The following CFAP97 variants were observed in gnomAD, a reference collection of about 807,000 sequenced individuals.
CFAP97 encodes the protein cilia- and flagella-associated protein 97.
A neutral mutation model predicts 43.1 loss-of-function variants in CFAP97; 36 were observed. That is an observed-to-expected ratio of 0.84 (90% CI 0.64 to 1.10). The LOEUF is 1.10. Ranked by LOEUF, CFAP97 falls within the 50% of genes least tolerant of loss-of-function variation. The pLI, the probability that CFAP97 is intolerant of heterozygous loss-of-function variation, is 0.00. For synonymous variants in CFAP97, 228 were observed against 225.7 expected (o/e 1.01, Z -0.09); for missense variants, 657 against 620.3 (o/e 1.06, Z -0.63).
Position 185,171,294 on chromosome 4 carries a change from G to A in CFAP97, c.1320+4492C>T, listed in dbSNP as rs185464348. 2.7e-3 allele frequency among the ~76,000 whole-genome samples: 417 copies of A among 152,136 alleles called. 2 individuals are homozygous for A. Among genetic ancestry groups the A allele is most frequent in the Non-Finnish European group, 4.7e-3 (322 of 68,018 alleles). Reference sequence around the variant, plus strand: ...CTGGGAGGATCACTTCAGCCCAGGAGTTCAGCCTGGGTAACACAGCAAGAC... The same window carrying A: ...CTGGGAGGATCACTTCAGCCCAGGAATTCAGCCTGGGTAACACAGCAAGAC... On this transcript the variant is annotated intron_variant, in intron 3 of 4. Transcript: ENST00000458385.
rs1313508028 is a variant in CFAP97 at position 185,175,802 on chromosome 4, A to G, written c.1304T>C (p.Ile435Thr). Residue 435 changes from isoleucine (I) to threonine (T), a missense_variant, in exon 3 of 5, where the codon ATT (isoleucine) becomes ACT (threonine). Physicochemically the swap from Ile to Thr is moderately conservative, Grantham distance 89. Coordinates refer to ENST00000458385, the MANE Select transcript of CFAP97 (RefSeq NM_020827.3). Reference protein sequence around the residue: ...ALNRQKEQQRIERENLALLKR... With the variant: ...ALNRQKEQQRTERENLALLKR... ...GTTACTTACCAAGTTTTCTCTCTCA[A>G]TCCTTTGTTGTTCCTTCTGTCTGTT... The G allele has an allele frequency of 6.2e-6, 10 of 1,612,918 alleles. No individual in the cohort carries two copies. The highest frequency in any genetic ancestry group is 8.5e-6 in the Non-Finnish European group (10 of 1,179,374).
intron 1 of CFAP97, among the ~76,000 whole-genome samples, chr4:185,200,575 G>A (rs1452702074): frequency 1.3e-5 from 2 of 152,122 alleles, no homozygotes; most frequent in African/African-American, 4.8e-5. Context: ...GGGAGGTAGA[G>A]GTTGCAGCAG....
chr4:185,189,497 AG>A (rs2111384528), intron 2 of CFAP97, among the ~76,000 whole-genome samples: 1 of 152,334 alleles, frequency 6.6e-6, no homozygotes, highest in South Asian at 2.1e-4. Flanking sequence ...TAAACTTTGA[AG>A]TTGCTTTTAT....
At chr4:185,179,004 AT>A (rs1735672918) in intron 2 of CFAP97, among the ~76,000 whole-genome samples, 1 of 152,178 alleles carries the variant, frequency 6.6e-6, no homozygotes, top group African/African-American at 2.4e-5. Flanking sequence ...CGCTAAAAAA[AT>A]CATAAAAAGA....
chr4:185,184,389 C>T (rs1416765958), intron 2 of CFAP97, among the ~76,000 whole-genome samples: 6 of 152,238 alleles, frequency 3.9e-5, no homozygotes, highest in South Asian at 2.1e-4. Flanking sequence ...ACGACTGGTT[C>T]GGGAATGGGA....
At chr4:185,188,753 G>C (rs986439667) in intron 2 of CFAP97, among the ~76,000 whole-genome samples, 1 of 152,094 alleles carries the variant, frequency 6.6e-6, no homozygotes, top group Non-Finnish European at 1.5e-5. Context: ...GGGAGGAATT[G>C]AGGGCATGAA....
At chr4:185,193,602 C>T (rs1579262141) in intron 1 of CFAP97, among the ~76,000 whole-genome samples, 1 of 152,158 alleles carries the variant, frequency 6.6e-6, no homozygotes, top group Non-Finnish European at 1.5e-5. Context: ...GCCGCGATCA[C>T]GCCATTGTAC....
At chr4:185,176,088 AAAGT>A (rs767859346) in intron 2 of CFAP97, 37 bp from the exon 3 acceptor site, 29 of 1,503,562 alleles carry the variant, frequency 1.9e-5, no homozygotes, top group African/African-American at 7.2e-5. Flanking sequence ...GAAAATGGCC[AAAGT>A]AAGTATGTGG....
chr4:185,190,506 C>T lies in CFAP97; in HGVS notation c.691G>A (p.Glu231Lys). 1 of 1,613,920 alleles carries T rather than the reference C, an allele frequency of 6.2e-7. No individual in the cohort carries two copies. The highest frequency in any genetic ancestry group is 1.3e-5 in the African/African-American group (1 of 75,038). The stretch of plus-strand genomic sequence containing the variant: ...GGTGTAGTACTTGAAGGCTGTGTTT[C>T]TGTCGATTTTATTCCTGATTTATAC... ...HKYKSGIKST[E>K]TQPSSTTPKC... The change falls in exon 2 of 5, where the codon GAA (glutamate) becomes AAA (lysine). Residue 231 changes from glutamate to lysine, a missense_variant. Transcript: ENST00000458385.
At chr4:185,183,693 G>A (rs1735894120) in intron 2 of CFAP97, among the ~76,000 whole-genome samples, 1 of 152,200 alleles carries the variant, frequency 6.6e-6, no homozygotes, top group Admixed American at 6.5e-5. Context: ...CCTAATTAGT[G>A]TTTAAAATGC....
chr4:185,200,722 G>A (rs996204494), intron 1 of CFAP97, among the ~76,000 whole-genome samples: 3 of 152,008 alleles, frequency 2.0e-5, no homozygotes, highest in Admixed American at 2.0e-4. Flanking sequence ...GGGAGGTTGA[G>A]GCTGCAATGA....
rs1442529387 is a variant in CFAP97 at position 185,160,497 on chromosome 4, T to C, written c.*2301A>G. 4 of 152,148 alleles carry C rather than the reference T, an allele frequency of 2.6e-5. No individual in the cohort carries two copies. Among genetic ancestry groups the C allele is most frequent in the Admixed American group, 1.3e-4 (2 of 15,270 alleles). The allele number at this position is 152,148 out of a possible 1,614,324, so 9.4% of individuals were successfully genotyped here. ...CTTAAACTATAACAACTTCATAGCA[T>C]CTTGACTTAGAATATACCACATTTT... On this transcript the variant is annotated 3_prime_UTR_variant, in exon 5 of 5. Coordinates refer to ENST00000458385, the MANE Select transcript of CFAP97 (RefSeq NM_020827.3).
At chr4:185,206,768 T>C (rs116551969), upstream of CFAP97, among the ~76,000 whole-genome samples, 1,074 of 151,660 alleles carry the variant, frequency 7.1e-3, 2 homozygotes, top group Non-Finnish European at 0.011. Flanking sequence ...ATTAGAGGAA[T>C]TGGCTTACAT....
intron 3 of CFAP97, among the ~76,000 whole-genome samples, chr4:185,165,792 C>T (rs190247933): frequency 3.5e-4 from 54 of 152,252 alleles, no homozygotes; most frequent in African/African-American, 1.1e-3. Flanking sequence ...ACATCACCAC[C>T]GACTCCCATA....
intron 2 of CFAP97, among the ~76,000 whole-genome samples, chr4:185,179,187 C>T (rs1028569755): frequency 6.6e-6 from 1 of 152,064 alleles, no homozygotes; most frequent in East Asian, 1.9e-4. Flanking sequence ...CAGCTGGACC[C>T]GACTGACATC....
intron 3 of CFAP97, chr4:185,169,533 A>G: frequency 1.2e-6 from 1 of 810,842 alleles, no homozygotes; most frequent in Non-Finnish European, 1.5e-6. Flanking sequence ...AGTCTCAGGT[A>G]GTATCTTTAC....
chr4:185,190,852 G>C lies in CFAP97; in HGVS notation c.345C>G (p.Ser115=), dbSNP rs199842763. The C allele has an allele frequency of 6.6e-4, 1,056 of 1,610,810 alleles. 2 individuals are homozygous for C. Among genetic ancestry groups the C allele is most frequent in the Non-Finnish European group, 8.3e-4 (982 of 1,178,302 alleles). The part of the protein sequence containing the change: ...DVTTGLKIHV[S]IPNRIPKIVK... ...CAATTTTGGGAATTCTATTTGGAATGGACACGTGTATTTTAAGTCCTGTTG... is the reference window on the plus strand; with the variant it reads ...CAATTTTGGGAATTCTATTTGGAATCGACACGTGTATTTTAAGTCCTGTTG... Residue 115 remains serine (S), a synonymous_variant, in exon 2 of 5, where the codon TCC becomes TCG. Coordinates refer to ENST00000458385, the MANE Select transcript of CFAP97 (RefSeq NM_020827.3).
At chr4:185,190,102 T>C (rs748249865) in intron 2 of CFAP97, 41 bp downstream of exon 2, 4 of 1,424,708 alleles carry the variant, frequency 2.8e-6, no homozygotes, top group South Asian at 1.4e-5. Flanking sequence ...GCCCAATATA[T>C]AATATTTAAA....
chr4:185,205,479 C>T (rs934039128), upstream of CFAP97, among the ~76,000 whole-genome samples: 3 of 151,818 alleles, frequency 2.0e-5, no homozygotes, highest in African/African-American at 7.3e-5. Flanking sequence ...AAGAATTTCA[C>T]TTTCTTTTAA....
Sources: gnomAD v4.1 joint callset for allele counts (sites outside exome capture counted in the v4.1 genomes callset) on GRCh38, gnomAD v4.1.1 for gene constraint, MANE v1.5 for transcripts, NCBI Gene and HGNC (gene_info 2026-07-23, HGNC 2026-07-21) for gene names.